Variants in ABTB3 observed in about 807,000 individuals in gnomAD.
ABTB3 encodes ankyrin repeat- and BTB/POZ domain-containing protein 3.
the ABTB3 span, among the ~76,000 whole-genome samples, chr12:107,475,710 A>C: frequency 2.6e-5 from 4 of 151,714 alleles, no homozygotes; most frequent in Admixed American, 1.3e-4. Flanking sequence ...TGGTATTGTT[A>C]TTTTCTTTTT....
the ABTB3 span, among the ~76,000 whole-genome samples, chr12:107,365,252 G>A: frequency 5.3e-5 from 8 of 152,204 alleles, no homozygotes; most frequent in East Asian, 1.5e-3. Flanking sequence ...ACAAAGTTGA[G>A]TGTTCATGGA....
the ABTB3 span, chr12:107,657,744 C>T: frequency 2.1e-5 from 34 of 1,609,122 alleles, no homozygotes; most frequent in African/African-American, 4.0e-5. Context: ...GAATGCTTCC[C>T]GGGAACTTTC....
the ABTB3 span, among the ~76,000 whole-genome samples, chr12:107,600,698 A>G: frequency 6.6e-6 from 1 of 152,262 alleles, no homozygotes; most frequent in South Asian, 2.1e-4. Context: ...CCCCAGGCAG[A>G]TGGCTGCTGC....
chr12:107,319,459 C>T, the ABTB3 span: 1 of 1,606,874 alleles, frequency 6.2e-7, no homozygotes, highest in Non-Finnish European at 8.5e-7. Context: ...TGTCCTGGGG[C>T]CTGGCCGCGC....
the ABTB3 span, chr12:107,635,316 T>C: frequency 6.2e-7 from 1 of 1,613,888 alleles, no homozygotes; most frequent in Non-Finnish European, 8.5e-7. Flanking sequence ...CTGTGCGTCA[T>C]CTTCACACAC....
chr12:107,342,326 G>C, the ABTB3 span, among the ~76,000 whole-genome samples: 1 of 152,100 alleles, frequency 6.6e-6, no homozygotes, highest in Non-Finnish European at 1.5e-5. Flanking sequence ...GGGATGGGGA[G>C]AAGGAAAGGG....
At chr12:107,567,507 G>C in the ABTB3 span, among the ~76,000 whole-genome samples, 2 of 152,180 alleles carry the variant, frequency 1.3e-5, no homozygotes, top group Non-Finnish European at 2.9e-5. Context: ...ATAGTATTCA[G>C]TACAGTCACA....
chr12:107,502,203 T>A, the ABTB3 span, among the ~76,000 whole-genome samples: 1 of 152,030 alleles, frequency 6.6e-6, no homozygotes, highest in Non-Finnish European at 1.5e-5. Flanking sequence ...CAGCTGGGAT[T>A]ACAGGTGCAT....
chr12:107,558,943 C>A, the ABTB3 span, among the ~76,000 whole-genome samples: 2 of 152,214 alleles, frequency 1.3e-5, no homozygotes, highest in African/African-American at 2.4e-5. Context: ...TTGCCCACCC[C>A]CCGTGGGGCC....
the ABTB3 span, chr12:107,580,957 G>T: frequency 1.3e-6 from 2 of 1,551,636 alleles, no homozygotes; most frequent in South Asian, 2.4e-5. Flanking sequence ...CGGGGTCACC[G>T]GTGCGGTCCG....
the ABTB3 span, among the ~76,000 whole-genome samples, chr12:107,375,617 C>T: frequency 6.6e-6 from 1 of 152,152 alleles, no homozygotes; most frequent in East Asian, 1.9e-4. Context: ...TAGCAGGTAG[C>T]GCGAAGTTTC....
the ABTB3 span, among the ~76,000 whole-genome samples, chr12:107,608,942 T>TAAAATAAATA: frequency 5.0e-5 from 3 of 60,270 alleles, no homozygotes; most frequent in South Asian, 1.2e-3. Context: ...TAAAATAAAA[T>TAAAATAAATA]AAATAAAATA....
At chr12:107,644,212 C>T in the ABTB3 span, among the ~76,000 whole-genome samples, 1 of 152,156 alleles carries the variant, frequency 6.6e-6, no homozygotes, top group African/African-American at 2.4e-5. Flanking sequence ...TCTAGAATAC[C>T]CTTCCTAAAT....
chr12:107,544,496 G>C, the ABTB3 span, among the ~76,000 whole-genome samples: 1 of 152,206 alleles, frequency 6.6e-6, no homozygotes, highest in Non-Finnish European at 1.5e-5. Context: ...TTTCATCCTG[G>C]CTGCCCCAGG....
the ABTB3 span, among the ~76,000 whole-genome samples, chr12:107,394,685 C>T: frequency 2.0e-5 from 3 of 152,192 alleles, no homozygotes; most frequent in Non-Finnish European, 4.4e-5. Flanking sequence ...ATAATATTTT[C>T]CTCAAAGGGT....
the ABTB3 span, among the ~76,000 whole-genome samples, chr12:107,571,866 C>G: frequency 3.9e-5 from 6 of 152,232 alleles, no homozygotes; most frequent in African/African-American, 1.4e-4. Context: ...GGACACTGAG[C>G]TTGCTGAGCA....
chr12:107,540,772 C>T, the ABTB3 span, among the ~76,000 whole-genome samples: 1 of 151,902 alleles, frequency 6.6e-6, no homozygotes, highest in African/African-American at 2.4e-5. Context: ...TCACTTGAGG[C>T]CAGAAGTTCG....
At chr12:107,359,917 C>T in the ABTB3 span, among the ~76,000 whole-genome samples, 560 of 152,156 alleles carry the variant, frequency 3.7e-3, 4 homozygotes, top group African/African-American at 0.013. Flanking sequence ...AGGGTTATTG[C>T]CAATTTTATC....
the ABTB3 span, among the ~76,000 whole-genome samples, chr12:107,549,545 GC>G: frequency 6.6e-6 from 1 of 152,244 alleles, no homozygotes; most frequent in East Asian, 1.9e-4. Context: ...ATACTTAGTT[GC>G]AAAAGCTGAA....
Sources: allele counts gnomAD v4.1 joint callset (sites outside exome capture counted in the v4.1 genomes callset), GRCh38; gene constraint gnomAD v4.1.1; transcripts MANE v1.5; gene names NCBI Gene and HGNC (gene_info 2026-07-23, HGNC 2026-07-21).